The following ACSS3 variants were observed in gnomAD, a reference collection of about 807,000 sequenced individuals.
ACSS3 encodes acyl-CoA synthetase short chain family member 3.
A neutral mutation model predicts 84.2 loss-of-function variants in ACSS3; 64 were observed. The ratio of observed to expected loss-of-function variants is 0.76; its 90% CI spans 0.62 to 0.94. The LOEUF (loss-of-function observed/expected upper bound fraction) is 0.94, where lower values mean the gene tolerates loss of function less well. Among genes scored for constraint, ACSS3 ranks in the 40% least tolerant of loss-of-function variants. ACSS3 has a pLI of 0.00. For synonymous variants in ACSS3, 317 were observed against 310.1 expected (o/e 1.02, Z -0.23); for missense variants, 815 against 867.6 (o/e 0.94, Z 0.76).
chr12:81,146,662 A>C (rs993474864), intron 5 of ACSS3, among the ~76,000 whole-genome samples: 6 of 152,206 alleles, frequency 3.9e-5, no homozygotes, highest in South Asian at 4.1e-4. Context: ...TCCAGCAACC[A>C]CATGTGAGCT....
intron 2 of ACSS3, among the ~76,000 whole-genome samples, chr12:81,129,128 G>A (rs943334685): frequency 3.3e-5 from 5 of 152,062 alleles, no homozygotes; most frequent in Non-Finnish European, 7.4e-5. Flanking sequence ...TCCATCTAGT[G>A]GTTACACGGG....
chr12:81,233,384 TGAA>T lies in ACSS3; in HGVS notation c.1637_1639del (p.Glu546del). On this transcript the variant is annotated inframe_deletion, in exon 13 of 16. Coordinates refer to ENST00000548058, the MANE Select transcript of ACSS3 (RefSeq NM_024560.4). ...ATACCATGGATGCTGGTTACATGGA[TGAA>T]GAAGGCTATTTGTATGTTATGTCTC... The T allele has an allele frequency of 6.2e-7, 1 of 1,611,076 alleles. No homozygotes were observed. The highest frequency in any genetic ancestry group is 8.5e-7 in the Non-Finnish European group (1 of 1,177,866).
chr12:81,166,066 C>T (rs969696710), intron 7 of ACSS3, among the ~76,000 whole-genome samples: 4 of 152,144 alleles, frequency 2.6e-5, no homozygotes, highest in Admixed American at 6.5e-5. Context: ...GGGGCTGGAG[C>T]TGGGATTTGA....
chr12:81,154,381 G>A (rs1886763000), intron 7 of ACSS3, among the ~76,000 whole-genome samples: 2 of 152,114 alleles, frequency 1.3e-5, no homozygotes, highest in South Asian at 4.1e-4. Context: ...TTTCTATGTT[G>A]GAATGATTTG....
chr12:81,172,259 C>CA lies in ACSS3; in HGVS notation c.1099-2511dup, dbSNP rs775755412. Among the ~76,000 whole-genome samples the CA allele has an allele frequency of 6.8e-3, 387 of 56,932 alleles. 10 individuals are homozygous for CA. Among genetic ancestry groups the CA allele is most frequent in the South Asian group, 0.024 (29 of 1,196 alleles). 37.3% of individuals were successfully genotyped at this position (56,932 alleles called of 152,430 possible). ...CCAGCCTGAGAGTGAGGCTCTGTCT[C>CA]AAAAAAAAAAAAAAAAAAGGCCCTG... On this transcript the variant is annotated intron_variant, in intron 7 of 15. Transcript: ENST00000548058.
chr12:81,124,791 TTTCCCTCC>T (rs1478601473), intron 2 of ACSS3, among the ~76,000 whole-genome samples: 1 of 152,218 alleles, frequency 6.6e-6, no homozygotes, highest in African/African-American at 2.4e-5. Flanking sequence ...TTGTTTTCTC[TTTCCCTCC>T]TTTTAAAATA....
chr12:81,150,879 A>G (rs1212941052), intron 5 of ACSS3, among the ~76,000 whole-genome samples: 2 of 133,676 alleles, frequency 1.5e-5, no homozygotes, highest in Non-Finnish European at 3.6e-5. Context: ...CTTTCATAAA[A>G]AACAATTTTT....
intron 8 of ACSS3, among the ~76,000 whole-genome samples, chr12:81,178,632 A>G (rs959552415): frequency 6.6e-5 from 10 of 152,278 alleles, no homozygotes; most frequent in Non-Finnish European, 1.5e-4. Flanking sequence ...AACACTACTG[A>G]TAGAAATTAG....
At chr12:81,113,134 G>C (rs990942334) in intron 2 of ACSS3, among the ~76,000 whole-genome samples, 3 of 152,036 alleles carry the variant, frequency 2.0e-5, no homozygotes, top group Non-Finnish European at 4.4e-5. Flanking sequence ...TTGTCAAAGA[G>C]ATAAGAAAAC....
intron 1 of ACSS3, among the ~76,000 whole-genome samples, chr12:81,103,425 A>C (rs554712872): frequency 2.6e-5 from 4 of 152,334 alleles, no homozygotes; most frequent in Admixed American, 6.5e-5. Flanking sequence ...CTTTACTGGA[A>C]TGATTTTATT....
At chr12:81,089,687 T>C (rs1801972880) in intron 1 of ACSS3, among the ~76,000 whole-genome samples, 1 of 152,118 alleles carries the variant, frequency 6.6e-6, no homozygotes, top group Non-Finnish European at 1.5e-5. Context: ...TGATGTATTA[T>C]CGTCAATAAT....
chr12:81,184,621 C>T (rs576370784), intron 8 of ACSS3, among the ~76,000 whole-genome samples: 7 of 151,548 alleles, frequency 4.6e-5, no homozygotes, highest in South Asian at 2.1e-4. Flanking sequence ...TAAAGAGGAT[C>T]GTAAGGGAAT....
chr12:81,199,433 G>C lies in ACSS3; in HGVS notation c.1343G>C (p.Trp448Ser). 1 of 1,612,396 alleles carries C rather than the reference G, an allele frequency of 6.2e-7. No individual in the cohort carries two copies. Among genetic ancestry groups the C allele is most frequent in the Non-Finnish European group, 8.5e-7 (1 of 1,179,108 alleles). The part of the protein sequence containing the change: ...NVFRVPVLDH[W>S]WQTETGSPIT... ...TTCAGAGTACCTGTCTTAGACCATT[G>C]GTGGCAAACTGGTAAGCATTTTCCT... The change falls in exon 9 of 16, where the codon TGG (tryptophan) becomes TCG (serine). Residue 448 changes from tryptophan to serine, a missense_variant. Coordinates refer to ENST00000548058, the MANE Select transcript of ACSS3 (RefSeq NM_024560.4).
At chr12:81,117,568 G>C (rs917892152) in intron 2 of ACSS3, among the ~76,000 whole-genome samples, 2 of 152,146 alleles carry the variant, frequency 1.3e-5, no homozygotes, top group African/African-American at 4.8e-5. Flanking sequence ...TGAGGACTCA[G>C]AGCTCATGAG....
At chr12:81,121,034 C>G (rs1884548933) in intron 2 of ACSS3, among the ~76,000 whole-genome samples, 1 of 152,092 alleles carries the variant, frequency 6.6e-6, no homozygotes, top group Non-Finnish European at 1.5e-5. Context: ...GTGTACAGCT[C>G]CTTTGGTTGA....
At chr12:81,166,065 G>C (rs188099417) in intron 7 of ACSS3, among the ~76,000 whole-genome samples, 1 of 152,202 alleles carries the variant, frequency 6.6e-6, no homozygotes, top group Non-Finnish European at 1.5e-5. Flanking sequence ...TGGGGCTGGA[G>C]CTGGGATTTG....
intron 1 of ACSS3, among the ~76,000 whole-genome samples, chr12:81,085,003 C>G (rs957322831): frequency 8.0e-5 from 12 of 150,854 alleles, no homozygotes; most frequent in Non-Finnish European, 1.3e-4. Context: ...ATGGTGGTAT[C>G]TGGGTCAAGT....
intron 2 of ACSS3, among the ~76,000 whole-genome samples, chr12:81,128,104 A>C: frequency 6.6e-6 from 1 of 152,068 alleles, no homozygotes; most frequent in East Asian, 1.9e-4. Flanking sequence ...TATAAACCAA[A>C]TATATGTGCA....
At chr12:81,119,096 T>A (rs1372629105) in intron 2 of ACSS3, among the ~76,000 whole-genome samples, 1 of 152,094 alleles carries the variant, frequency 6.6e-6, no homozygotes, top group East Asian at 1.9e-4. Context: ...GCCGGGCTGC[T>A]GGGGGTGACA....
Sources: allele counts gnomAD v4.1 joint callset (sites outside exome capture counted in the v4.1 genomes callset), GRCh38; gene constraint gnomAD v4.1.1; transcripts MANE v1.5; gene names NCBI Gene and HGNC (gene_info 2026-07-23, HGNC 2026-07-21).